LRRC4C: variants seen among roughly 807,000 people sequenced by gnomAD.
LRRC4C encodes leucine rich repeat containing 4C.
In LRRC4C, 5 loss-of-function variants were observed where a neutral mutation model predicts 33.6. That is an observed-to-expected ratio of 0.15 (90% CI 0.08 to 0.31). LRRC4C has a LOEUF of 0.31. Among genes scored for constraint, LRRC4C ranks in the 10% least tolerant of loss-of-function variants. The pLI is 1.00. For missense variants in LRRC4C, 560 were observed against 796.7 expected, an observed-to-expected ratio of 0.70 and a Z score of 3.58; for synonymous variants, 329 against 302.0, an observed-to-expected ratio of 1.09 and a Z score of -0.93.
At chr11:40,371,608 G>T (rs59178792) in intron 3 of LRRC4C, among the ~76,000 whole-genome samples, 69 of 152,268 alleles carry the variant, frequency 4.5e-4, no homozygotes, top group African/African-American at 1.6e-3. Flanking sequence ...ACAATCGTGG[G>T]TTTAATTAAC....
intron 3 of LRRC4C, among the ~76,000 whole-genome samples, chr11:40,528,563 C>T (rs1956150500): frequency 1.3e-5 from 2 of 151,824 alleles, no homozygotes; most frequent in African/African-American, 4.8e-5. Context: ...AATGCAGCCG[C>T]TGTGGAAAAC....
chr11:41,258,204 G>A (rs1948864613), intron 1 of LRRC4C, among the ~76,000 whole-genome samples: 1 of 151,872 alleles, frequency 6.6e-6, no homozygotes, highest in Non-Finnish European at 1.5e-5. Flanking sequence ...ATAAATTGCA[G>A]GATAATTAAA....
chr11:40,615,181 T>C (rs964115001), intron 3 of LRRC4C, among the ~76,000 whole-genome samples: 1 of 149,796 alleles, frequency 6.7e-6, no homozygotes, highest in Non-Finnish European at 1.5e-5. Context: ...CTTCTGGTTC[T>C]AGACCCTATA....
At chr11:40,145,937 A>G (rs1857700948) in intron 5 of LRRC4C, among the ~76,000 whole-genome samples, 1 of 152,230 alleles carries the variant, frequency 6.6e-6, no homozygotes, top group Non-Finnish European at 1.5e-5. Flanking sequence ...GTAGACATAG[A>G]TGAAATTATA....
At chr11:40,978,725 G>A (rs532171064) in intron 1 of LRRC4C, among the ~76,000 whole-genome samples, 6 of 150,868 alleles carry the variant, frequency 4.0e-5, no homozygotes, top group Non-Finnish European at 8.8e-5. Context: ...AGGTTCAAGC[G>A]ATTCTCCTGC....
intron 5 of LRRC4C, among the ~76,000 whole-genome samples, chr11:40,235,650 T>C (rs906221715): frequency 6.6e-6 from 1 of 152,170 alleles, no homozygotes; most frequent in Non-Finnish European, 1.5e-5. Flanking sequence ...AGAAAAACTT[T>C]CAAAAAATGG....
intron 3 of LRRC4C, among the ~76,000 whole-genome samples, chr11:40,585,071 G>T (rs4756604): frequency 0.28 from 42,467 of 151,984 alleles, 5,994 homozygotes; most frequent in Middle Eastern, 0.36. Flanking sequence ...GCACTGTCCT[G>T]GAAAGTAGGC....
rs148214456 is a variant in LRRC4C, at chr11:40,663,226, G to T, written c.-406-14948C>A. 1.1e-4 allele frequency among the ~76,000 whole-genome samples: 16 copies of T among 152,134 alleles called. No individual in the cohort carries two copies. In the East Asian group the frequency reaches 3.1e-3, roughly 29 times the overall value. ...CTCCTGAGTAGCTGGGATTACAGGCGTGCACCACCATGCCTGGCTAATTTT... is the reference window on the plus strand; with the variant it reads ...CTCCTGAGTAGCTGGGATTACAGGCTTGCACCACCATGCCTGGCTAATTTT... On this transcript the variant is annotated intron_variant, in intron 2 of 6. Transcript: ENST00000528697.
At chr11:40,244,318 A>T (rs1435276722) in intron 4 of LRRC4C, among the ~76,000 whole-genome samples, 1 of 151,898 alleles carries the variant, frequency 6.6e-6, no homozygotes, top group Non-Finnish European at 1.5e-5. Flanking sequence ...TCAGTCTCTC[A>T]ATCCTCTGTG....
At chr11:40,508,562 A>G (rs548368437) in intron 3 of LRRC4C, among the ~76,000 whole-genome samples, 1 of 152,278 alleles carries the variant, frequency 6.6e-6, no homozygotes, top group African/African-American at 2.4e-5. Flanking sequence ...ATAGCTTCTC[A>G]TCTTTATCCA....
chr11:41,059,754 C>A (rs980103270), intron 1 of LRRC4C, among the ~76,000 whole-genome samples: 21 of 152,176 alleles, frequency 1.4e-4, no homozygotes, highest in African/African-American at 5.1e-4. Context: ...TGCAGAATCT[C>A]TGGCTCATGC....
At chr11:40,317,629 C>T (rs530285177) in intron 4 of LRRC4C, among the ~76,000 whole-genome samples, 1 of 152,218 alleles carries the variant, frequency 6.6e-6, no homozygotes, top group South Asian at 2.1e-4. Context: ...CTCTGCATGT[C>T]TCTTGGTCCA....
At chr11:41,270,617 T>A (rs1949290114) in intron 1 of LRRC4C, among the ~76,000 whole-genome samples, 1 of 152,090 alleles carries the variant, frequency 6.6e-6, no homozygotes, top group Non-Finnish European at 1.5e-5. Flanking sequence ...AATAAAACCG[T>A]ACCATTGCAG....
chr11:41,288,150 C>A (rs545240863), intron 1 of LRRC4C, among the ~76,000 whole-genome samples: 1 of 152,268 alleles, frequency 6.6e-6, no homozygotes, highest in East Asian at 1.9e-4. Flanking sequence ...CATGGTGAAA[C>A]AAGTAGGCAA....
intron 1 of LRRC4C, among the ~76,000 whole-genome samples, chr11:41,260,579 T>C (rs1287750350): frequency 1.3e-5 from 2 of 151,736 alleles, no homozygotes; most frequent in African/African-American, 2.4e-5. Flanking sequence ...AAAAAATATA[T>C]ATAATGTGTA....
At chr11:40,157,192 T>C (rs1236237879) in intron 5 of LRRC4C, among the ~76,000 whole-genome samples, 2 of 152,002 alleles carry the variant, frequency 1.3e-5, no homozygotes, top group African/African-American at 4.8e-5. Context: ...GGTGCTGGGG[T>C]AATTGGCTAG....
chr11:40,141,718 C>T (rs148444590), intron 5 of LRRC4C, among the ~76,000 whole-genome samples: 160 of 152,214 alleles, frequency 1.1e-3, no homozygotes, highest in African/African-American at 3.7e-3. Context: ...TTAAAATCTT[C>T]AAGGGACAAG....
chr11:40,642,021 C>CTTT (rs35297791), intron 3 of LRRC4C, among the ~76,000 whole-genome samples: 61 of 140,268 alleles, frequency 4.3e-4, no homozygotes, highest in South Asian at 1.8e-3. Flanking sequence ...CCACAGGCTG[C>CTTT]TTTTTTTTTT....
At chr11:40,156,886 C>T (rs1270257051) in intron 5 of LRRC4C, among the ~76,000 whole-genome samples, 2 of 151,880 alleles carry the variant, frequency 1.3e-5, no homozygotes, top group East Asian at 1.9e-4. Context: ...AAATACCACA[C>T]AATTTTTTAC....
Sources: gnomAD v4.1 joint callset for allele counts (sites outside exome capture counted in the v4.1 genomes callset) on GRCh38, gnomAD v4.1.1 for gene constraint, MANE v1.5 for transcripts, NCBI Gene and HGNC (gene_info 2026-07-23, HGNC 2026-07-21) for gene names.